The following TG variants were observed in gnomAD, a reference collection of about 807,000 sequenced individuals.
TG encodes thyroid hormones.
Under a neutral mutation model 324.7 loss-of-function variants are expected in TG, and 270 were observed. The ratio of observed to expected loss-of-function variants is 0.83; its 90% confidence interval spans 0.75 to 0.92. The LOEUF is 0.92. TG is among the 40% of genes least tolerant of loss of function. The pLI, the probability that TG is intolerant of heterozygous loss-of-function variation, is 0.00. For missense variants in TG, 3,591 were observed against 3,456.4 expected, an observed-to-expected ratio of 1.04 and a Z score of -0.98; for synonymous variants, 1,401 against 1,327.0, an observed-to-expected ratio of 1.06 and a Z score of -1.21.
At chr8:132,892,857 G>A (rs1191452580) in intron 10 of TG, among the ~76,000 whole-genome samples, 1 of 148,266 alleles carries the variant, frequency 6.7e-6, no homozygotes, top group Non-Finnish European at 1.5e-5. Context: ...GTGTATGTGT[G>A]TGTGGTATGC....
chr8:132,893,908 A>C lies in TG; in HGVS notation c.2980A>C (p.Ile994Leu), dbSNP rs111363334. The change falls in exon 11 of 48, where the codon ATT becomes CTT. Residue 994 changes from isoleucine to leucine, a missense_variant. Coordinates refer to ENST00000220616, the MANE Select transcript of TG (RefSeq NM_003235.5). ...EQFLRGSDYA[I>L]RLAAQSTLSF... is the part of the protein sequence containing the mutation. The stretch of plus-strand genomic sequence containing the variant: ...GTTTCTGCGTGGGAGTGATTACGCC[A>C]TTCGCCTGGCGGCTCAGTCTAGTGA... 3.1e-6 allele frequency: 5 copies of C among 1,613,972 alleles called. No homozygotes were observed. In the South Asian group the frequency reaches 4.4e-5, roughly 14 times the overall value.
chr8:133,062,682 C>T (rs1198703551), intron 41 of TG, among the ~76,000 whole-genome samples: 1 of 151,944 alleles, frequency 6.6e-6, no homozygotes, highest in African/African-American at 2.4e-5. Context: ...GCACAGGCCT[C>T]AGGAAGCATG....
intron 34 of TG, 104 bp downstream of exon 34, chr8:132,972,845 C>A: frequency 6.9e-7 from 1 of 1,441,520 alleles, no homozygotes; most frequent in Non-Finnish European, 9.7e-7. Context: ...TTAATGAAGA[C>A]TCATTGGGTT....
intron 41 of TG, among the ~76,000 whole-genome samples, chr8:133,057,018 G>A (rs1841557069): frequency 2.0e-5 from 3 of 152,158 alleles, no homozygotes; most frequent in Admixed American, 2.0e-4. Context: ...GTGGTGCGAA[G>A]ACCACTTACT....
rs766958097 is a variant in TG at position 132,919,433 on chromosome 8, G to T, written c.4436G>T (p.Gly1479Val). Residue 1479 changes from glycine (G) to valine (V), a missense_variant, in exon 21 of 48, where the codon GGA becomes GTA. Gly to Val is a moderately radical substitution (Grantham distance 109). Transcript: ENST00000220616. ...QDEECIPCPVGFYQEQAGSLA... is the reference protein window; with the variant it reads ...QDEECIPCPVVFYQEQAGSLA... ...GAGGAATGCATTCCTTGTCCTGTTG[G>T]ATTCTACCAAGAACAGGCAGGGAGC... is the stretch of plus-strand genomic sequence containing the variant. The T allele has an allele frequency of 6.2e-7, 1 of 1,614,150 alleles. No individual in the cohort carries two copies. The highest frequency in any genetic ancestry group is 1.1e-5 in the South Asian group (1 of 91,068).
intron 41 of TG, among the ~76,000 whole-genome samples, chr8:133,083,355 G>A (rs1233138514): frequency 6.6e-6 from 1 of 152,038 alleles, no homozygotes; most frequent in East Asian, 1.9e-4. Context: ...CTTGAAACAT[G>A]TATGCACTTT....
intron 27 of TG, among the ~76,000 whole-genome samples, chr8:132,949,871 C>A (rs1300731520): frequency 6.6e-6 from 1 of 152,188 alleles, no homozygotes; most frequent in Admixed American, 6.5e-5. Context: ...ACTGCCTCTC[C>A]CAGCAGACCC....
intron 41 of TG, among the ~76,000 whole-genome samples, chr8:133,067,387 G>A (rs1249007052): frequency 6.6e-6 from 1 of 152,184 alleles, no homozygotes; most frequent in Non-Finnish European, 1.5e-5. Flanking sequence ...AGACCTACAA[G>A]GGCAGGCAGC....
intron 10 of TG, among the ~76,000 whole-genome samples, chr8:132,890,028 C>T (rs996849872): frequency 2.0e-5 from 3 of 152,036 alleles, no homozygotes; most frequent in Non-Finnish European, 4.4e-5. Context: ...GTGATCCACC[C>T]GCCACAGCCT....
chr8:133,067,901 AGGAAGGAAGGAAGGAAAG>A (rs1272336828), intron 41 of TG, among the ~76,000 whole-genome samples: 41 of 54,020 alleles, frequency 7.6e-4, no homozygotes, highest in South Asian at 1.7e-3. Context: ...TATGGAAGGA[AGGAAGGAAGGAAGGAAAG>A]AGAGAGAGAG....
At chr8:133,079,918 G>C (rs1017131435) in intron 41 of TG, among the ~76,000 whole-genome samples, 2 of 151,664 alleles carry the variant, frequency 1.3e-5, no homozygotes, top group Non-Finnish European at 2.9e-5. Context: ...AGAAGTTCTC[G>C]AGAGTAAAGT....
chr8:132,976,755 G>T (rs1830224039), intron 34 of TG, among the ~76,000 whole-genome samples: 1 of 152,192 alleles, frequency 6.6e-6, no homozygotes. Context: ...TCTCATTTCA[G>T]AACAGAAGGA....
intron 41 of TG, chr8:133,040,106 A>G (rs1407337918): frequency 6.4e-7 from 1 of 1,574,348 alleles, no homozygotes. Context: ...CGTGGTGAGC[A>G]CACAGCACAG....
intron 24 of TG, among the ~76,000 whole-genome samples, chr8:132,935,369 C>T (rs1417642972): frequency 6.6e-6 from 1 of 151,760 alleles, no homozygotes; most frequent in Non-Finnish European, 1.5e-5. Context: ...GTCTTGAACT[C>T]TAGACCCCAA....
At position 133,017,906 on chromosome 8, in the gene TG, G is replaced by T. The variant is rs937880196; in HGVS notation, c.6691G>T (p.Val2231Phe). The T allele has an allele frequency of 6.2e-7, 1 of 1,614,222 alleles. No homozygotes were observed. The highest frequency in any genetic ancestry group is 1.3e-5 in the African/African-American group (1 of 75,050). ...GAAGCAAGTGGACCAGTTCCTTGGA[G>T]TTCCATATGCTGCCCCGCCCCTGGC... Reference protein sequence around the residue: ...SWKQVDQFLGVPYAAPPLAER... With the variant: ...SWKQVDQFLGFPYAAPPLAER... The change falls in exon 38 of 48, where the codon GTT (valine) becomes TTT (phenylalanine). Residue 2231 changes from valine to phenylalanine, a missense_variant. Physicochemically the swap from Val to Phe is conservative, Grantham distance 50. Transcript: ENST00000220616.
chr8:132,870,473 C>T (rs1839382851), intron 3 of TG, among the ~76,000 whole-genome samples: 1 of 150,508 alleles, frequency 6.6e-6, no homozygotes, highest in South Asian at 2.1e-4. Context: ...TCATCTGTAA[C>T]ATGAATATAG....
intron 27 of TG, 36 bp downstream of exon 27, chr8:132,948,979 T>G (rs1275192078): frequency 1.2e-6 from 2 of 1,604,312 alleles, no homozygotes; most frequent in Non-Finnish European, 1.7e-6. Context: ...TCTTTCAAAA[T>G]TACTCTTCAC....
intron 23 of TG, 45 bp from the exon 24 acceptor site, chr8:132,933,516 T>C: frequency 3.8e-6 from 6 of 1,558,496 alleles, no homozygotes; most frequent in Non-Finnish European, 5.3e-6. Context: ...GCCCTCAGCA[T>C]CCCCCGGGAA....
chr8:133,107,980 TTC>T (rs1849950009), intron 43 of TG, among the ~76,000 whole-genome samples: 1 of 129,114 alleles, frequency 7.7e-6, no homozygotes, highest in African/African-American at 4.1e-5. Context: ...TTTTCTTTTC[TTC>T]TTTTTTTTTT....
Sources: gnomAD v4.1 joint callset for allele counts (sites outside exome capture counted in the v4.1 genomes callset) on GRCh38, gnomAD v4.1.1 for gene constraint, MANE v1.5 for transcripts, NCBI Gene and HGNC (gene_info 2026-07-23, HGNC 2026-07-21) for gene names.